TMEM132C: variants seen among roughly 807,000 people sequenced by gnomAD.
TMEM132C encodes the protein transmembrane protein 132C, also known as protein phosphatase 1, regulatory subunit 152.
In TMEM132C, 29 loss-of-function variants were observed where a neutral mutation model predicts 61.4. The observed-to-expected ratio is 0.47, with a 90% CI of 0.35 to 0.64. The LOEUF is 0.64. Among genes scored for constraint, TMEM132C ranks in the 30% least tolerant of loss-of-function variants. The pLI is 0.00. For synonymous variants in TMEM132C, 656 were observed against 633.1 expected, an observed-to-expected ratio of 1.04 and a Z score of -0.54; for missense variants, 1,408 against 1,476.9, an observed-to-expected ratio of 0.95 and a Z score of 0.76.
At chr12:128,340,856 T>TTCCTTC (rs1872943902) in intron 1 of TMEM132C, among the ~76,000 whole-genome samples, 2 of 147,268 alleles carry the variant, frequency 1.4e-5, no homozygotes, top group African/African-American at 5.2e-5. Flanking sequence ...TCTCTTTCTT[T>TTCCTTC]CTTCCTTCCT....
intron 2 of TMEM132C, among the ~76,000 whole-genome samples, chr12:128,428,316 C>T (rs911826268): frequency 1.3e-5 from 2 of 152,160 alleles, no homozygotes; most frequent in African/African-American, 4.8e-5. Context: ...CTCAGTCTCC[C>T]TCACTTATTT....
chr12:128,693,275 G>C (rs769996136), intron 5 of TMEM132C, among the ~76,000 whole-genome samples: 16 of 152,262 alleles, frequency 1.1e-4, no homozygotes, highest in Non-Finnish European at 2.2e-4. Flanking sequence ...GGTGGGTTGT[G>C]GGTGCAGCTT....
intron 3 of TMEM132C, among the ~76,000 whole-genome samples, chr12:128,588,186 C>A (rs953178594): frequency 5.9e-5 from 9 of 152,186 alleles, no homozygotes; most frequent in African/African-American, 2.2e-4. Context: ...GTCATCTCAG[C>A]ACTTTAGGAA....
Position 128,373,174 on chromosome 12 carries a change from G to A in TMEM132C, c.86-41558G>A, listed in dbSNP as rs147311590. Among the ~76,000 whole-genome samples the A allele has an allele frequency of 9.2e-5, 14 of 152,166 alleles. No individual in the cohort carries two copies. In the East Asian group the frequency reaches 2.1e-3, roughly 23 times the overall value. On this transcript the variant is annotated intron_variant, in intron 1 of 8. Coordinates refer to ENST00000435159, the MANE Select transcript of TMEM132C (RefSeq NM_001136103.3). ...CACATTCTTTCTATCTCTCTGCTTG[G>A]TTTAACTCAGCTGTTTTGTCCTCTT...
chr12:128,437,285 T>TA (rs1458301928), intron 2 of TMEM132C, among the ~76,000 whole-genome samples: 1 of 152,138 alleles, frequency 6.6e-6, no homozygotes, highest in Non-Finnish European at 1.5e-5. Flanking sequence ...CCCTAGAACT[T>TA]AAAGTTTAAT....
chr12:128,339,141 G>A (rs1359343718), intron 1 of TMEM132C, among the ~76,000 whole-genome samples: 8 of 152,024 alleles, frequency 5.3e-5, no homozygotes, highest in Non-Finnish European at 1.5e-5. Context: ...TGGGGGCTGG[G>A]GGTTCCCTCC....
At chr12:128,622,356 AAAAAATATATATATATATATATATATAT>A (rs1953972121) in intron 4 of TMEM132C, among the ~76,000 whole-genome samples, 1 of 59,214 alleles carries the variant, frequency 1.7e-5, no homozygotes, top group Non-Finnish European at 3.1e-5. Context: ...AAAAAAAAAA[AAAAAATATATATATATATATATATATAT>A]ATATATATAT....
At chr12:128,501,853 G>T (rs932218692) in intron 2 of TMEM132C, among the ~76,000 whole-genome samples, 1 of 152,184 alleles carries the variant, frequency 6.6e-6, no homozygotes, top group Admixed American at 6.5e-5. Context: ...CTTAGACCAT[G>T]ATTCTCAACC....
chr12:128,649,683 C>T (rs528658353), intron 4 of TMEM132C, among the ~76,000 whole-genome samples: 1 of 152,294 alleles, frequency 6.6e-6, no homozygotes, highest in South Asian at 2.1e-4. Context: ...TCAACTGCCT[C>T]CTTTCTTGGC....
chr12:128,687,587 G>A (rs918436619), intron 5 of TMEM132C, among the ~76,000 whole-genome samples: 1 of 152,212 alleles, frequency 6.6e-6, no homozygotes, highest in Non-Finnish European at 1.5e-5. Context: ...TGTGGCAGGT[G>A]TGCACCTGGC....
intron 2 of TMEM132C, among the ~76,000 whole-genome samples, chr12:128,498,920 T>G (rs923693729): frequency 6.6e-6 from 1 of 152,166 alleles, no homozygotes; most frequent in African/African-American, 2.4e-5. Context: ...ATTGGCAAAC[T>G]TAGACTTAAT....
At chr12:128,584,870 C>T (rs372715998) in intron 3 of TMEM132C, among the ~76,000 whole-genome samples, 25 of 152,166 alleles carry the variant, frequency 1.6e-4, no homozygotes, top group African/African-American at 5.1e-4. Context: ...ATGGTGGCCT[C>T]GGGGCAGTTA....
intron 1 of TMEM132C, among the ~76,000 whole-genome samples, chr12:128,313,975 C>T (rs1216556807): frequency 6.6e-6 from 1 of 152,180 alleles, no homozygotes; most frequent in Non-Finnish European, 1.5e-5. Context: ...ATATTCCCTT[C>T]CTCCTGCAAG....
At chr12:128,383,844 G>C (rs1049374935) in intron 1 of TMEM132C, among the ~76,000 whole-genome samples, 3 of 152,160 alleles carry the variant, frequency 2.0e-5, no homozygotes, top group African/African-American at 7.2e-5. Context: ...AATCCTCGTA[G>C]TGTAGCCACT....
intron 5 of TMEM132C, among the ~76,000 whole-genome samples, chr12:128,672,554 G>C (rs1038019231): frequency 2.0e-5 from 3 of 152,096 alleles, no homozygotes; most frequent in African/African-American, 7.2e-5. Flanking sequence ...ACAGAAAATT[G>C]CCTCCTGAAA....
chr12:128,482,254 G>A (rs995351820), intron 2 of TMEM132C, among the ~76,000 whole-genome samples: 17 of 152,162 alleles, frequency 1.1e-4, no homozygotes, highest in African/African-American at 2.7e-4. Flanking sequence ...CGACTTGATC[G>A]TGGTGGATAA....
At chr12:128,541,983 T>C (rs985193151) in intron 2 of TMEM132C, among the ~76,000 whole-genome samples, 12 of 152,344 alleles carry the variant, frequency 7.9e-5, no homozygotes, top group South Asian at 2.1e-4. Flanking sequence ...CTGATACCCA[T>C]ACCCAATGTG....
rs761620460 is a variant in TMEM132C at position 128,427,387 on chromosome 12, GGTGTGTGT to G, written c.974+11802_974+11809del. 5.2e-3 allele frequency among the ~76,000 whole-genome samples: 688 copies of G among 132,340 alleles called. 9 individuals carry two copies. Among genetic ancestry groups the G allele is most frequent in the East Asian group, 0.019 (83 of 4,468 alleles). 86.8% of individuals were successfully genotyped at this position (132,340 alleles called of 152,430 possible). On this transcript the variant is annotated intron_variant, in intron 2 of 8. Transcript: ENST00000435159. ...TCCTTTTAGTTTCTACTTCCAAAGGGGTGTGTGTGTGTGTGTGTGTGTGTGTGTGTGTG... is the reference window on the plus strand; with the variant it reads ...TCCTTTTAGTTTCTACTTCCAAAGGGGTGTGTGTGTGTGTGTGTGTGTGTG...
intron 2 of TMEM132C, among the ~76,000 whole-genome samples, chr12:128,465,131 C>T (rs1283585633): frequency 6.6e-6 from 1 of 152,020 alleles, no homozygotes; most frequent in Non-Finnish European, 1.5e-5. Context: ...CAAATGTCTC[C>T]TTCTTTAAAC....
Sources: gnomAD v4.1 joint callset for allele counts (sites outside exome capture counted in the v4.1 genomes callset) on GRCh38, gnomAD v4.1.1 for gene constraint, MANE v1.5 for transcripts, NCBI Gene and HGNC (gene_info 2026-07-23, HGNC 2026-07-21) for gene names.